Variants in LRRC37A2 observed in about 807,000 individuals in gnomAD.
LRRC37A2 encodes the protein leucine-rich repeat-containing protein 37A2.
LRRC37A2 carries 9 observed loss-of-function variants against 68.8 expected under a neutral mutation model. The observed-to-expected ratio is 0.13, with a 90% CI of 0.08 to 0.23. The LOEUF (loss-of-function observed/expected upper bound fraction) is 0.23. Among genes scored for constraint, LRRC37A2 ranks in the 10% least tolerant of loss-of-function variants. LRRC37A2 has a pLI of 1.00. For synonymous variants in LRRC37A2, 63 were observed against 367.6 expected, an observed-to-expected ratio of 0.17 and a Z score of 9.48; for missense variants, 168 against 950.4, an observed-to-expected ratio of 0.18 and a Z score of 10.82.
chr17:46,713,907 A>G, the LRRC37A2 span: 13 of 1,612,756 alleles, frequency 8.1e-6, no homozygotes, highest in African/African-American at 2.7e-5. Flanking sequence ...GAGGAATCCA[A>G]CTTCCCGTTC....
the LRRC37A2 span, chr17:46,939,214 T>A: frequency 8.1e-5 from 87 of 1,073,326 alleles, no homozygotes; most frequent in Non-Finnish European, 9.4e-5. Context: ...CTCACAGCCA[T>A]TATATTAAAT....
chr17:46,954,588 T>A, the LRRC37A2 span, among the ~76,000 whole-genome samples: 1 of 152,238 alleles, frequency 6.6e-6, no homozygotes, highest in South Asian at 2.1e-4. Context: ...TTGATGGGGA[T>A]GACATTGAAT....
At chr17:47,028,222 G>C in the LRRC37A2 span, 1 of 1,143,656 alleles carries the variant, frequency 8.7e-7, no homozygotes, top group African/African-American at 1.6e-5. Context: ...CATGGCAAAT[G>C]ATAAATGTTC....
the LRRC37A2 span, chr17:46,938,809 G>T: frequency 1.2e-6 from 2 of 1,612,238 alleles, no homozygotes; most frequent in Non-Finnish European, 1.7e-6. Flanking sequence ...CTGCAAGTGT[G>T]TGTGTGTGTG....
the LRRC37A2 span, among the ~76,000 whole-genome samples, chr17:46,774,976 A>C: frequency 2.0e-5 from 3 of 152,184 alleles, no homozygotes; most frequent in Non-Finnish European, 4.4e-5. Context: ...GCACTGACCA[A>C]GGCTTTGGTC....
the LRRC37A2 span, among the ~76,000 whole-genome samples, chr17:46,951,122 A>G: frequency 6.6e-6 from 1 of 152,128 alleles, no homozygotes. Context: ...TGAGGGCATC[A>G]TCTCTCCACA....
the LRRC37A2 span, among the ~76,000 whole-genome samples, chr17:46,823,371 C>T: frequency 6.6e-6 from 1 of 150,592 alleles, no homozygotes; most frequent in South Asian, 2.1e-4. Flanking sequence ...CCCGCCACCA[C>T]GCCTGACTAA....
chr17:46,917,285 A>T, the LRRC37A2 span: 1 of 152,236 alleles, frequency 6.6e-6, no homozygotes, highest in African/African-American at 2.4e-5. Flanking sequence ...TGTGAAATCA[A>T]AACAAGTTAT....
At chr17:46,381,488 G>GTTTTTTT in the LRRC37A2 span, among the ~76,000 whole-genome samples, 1 of 7,354 alleles carries the variant, frequency 1.4e-4, no homozygotes, top group Non-Finnish European at 4.5e-4. Context: ...TTTTCAAGTA[G>GTTTTTTT]TTAAGTTAAG....
the LRRC37A2 span, among the ~76,000 whole-genome samples, chr17:46,907,012 G>A: frequency 1.8e-4 from 28 of 152,214 alleles, no homozygotes; most frequent in Admixed American, 1.0e-3. Flanking sequence ...AAGTTGTAAA[G>A]AGTAAGTTGT....
chr17:46,732,846 C>T, the LRRC37A2 span, among the ~76,000 whole-genome samples: 3 of 152,162 alleles, frequency 2.0e-5, no homozygotes, highest in East Asian at 3.9e-4. Context: ...GGAGCCAAGC[C>T]GGAAAAAAGG....
chr17:46,873,852 G>T, the LRRC37A2 span, among the ~76,000 whole-genome samples: 3 of 152,050 alleles, frequency 2.0e-5, no homozygotes, highest in Non-Finnish European at 2.9e-5. Flanking sequence ...TAGCTGGCAT[G>T]GTGGCAGGAG....
chr17:46,863,613 C>G, the LRRC37A2 span, among the ~76,000 whole-genome samples: 19 of 152,180 alleles, frequency 1.2e-4, 1 homozygote, highest in Admixed American at 1.2e-3. Context: ...CTAGAGCTGT[C>G]TGGGACCTCG....
At chr17:47,021,997 C>T in the LRRC37A2 span, 38 of 1,323,160 alleles carry the variant, frequency 2.9e-5, no homozygotes, top group African/African-American at 4.1e-4. Context: ...ATTTTGAGGT[C>T]GGTACCTCTG....
the LRRC37A2 span, among the ~76,000 whole-genome samples, chr17:46,992,827 T>C: frequency 8.8e-6 from 1 of 113,876 alleles, no homozygotes; most frequent in East Asian, 2.6e-4. Flanking sequence ...CACTCCAGCC[T>C]GGGAGACAAG....
chr17:46,741,085 C>T, the LRRC37A2 span, among the ~76,000 whole-genome samples: 1 of 152,122 alleles, frequency 6.6e-6, no homozygotes, highest in South Asian at 2.1e-4. Context: ...CAAATAAAAA[C>T]AGTAGACAGC....
the LRRC37A2 span, chr17:47,018,773 T>G: frequency 6.6e-7 from 1 of 1,521,200 alleles, no homozygotes; most frequent in Non-Finnish European, 9.1e-7. Flanking sequence ...AGTTTCCTAA[T>G]GTAGTTGTAG....
chr17:46,891,090 C>T, the LRRC37A2 span, among the ~76,000 whole-genome samples: 428 of 151,622 alleles, frequency 2.8e-3, 2 homozygotes, highest in Middle Eastern at 0.044. Context: ...GACAGGAGGG[C>T]GACCCCTGGC....
rs551619169 is a variant in LRRC37A2, at chr17:46,548,593, G to A, written c.3454G>A (p.Ala1152Thr). The change falls in exon 10 of 15, where the codon GCA (alanine) becomes ACA (threonine). Residue 1152 changes from alanine (A) to threonine (T), a missense_variant. Transcript: ENST00000576629. ...ACTGCCAACCACAGGAAACAGCCTG[G>A]CAAAGATTCAAACTGTAGGCCAAAA... 179 of 1,585,024 alleles carry A rather than the reference G, an allele frequency of 1.1e-4. 16 individuals carry two copies. In the East Asian group the frequency reaches 4.0e-3, roughly 36 times the overall value.
Sources: gnomAD v4.1 joint callset for allele counts (sites outside exome capture counted in the v4.1 genomes callset) on GRCh38, gnomAD v4.1.1 for gene constraint, MANE v1.5 for transcripts, NCBI Gene and HGNC (gene_info 2026-07-23, HGNC 2026-07-21) for gene names.